The following ZNF19 variants were observed in gnomAD, a reference collection of about 807,000 sequenced individuals.
ZNF19 encodes zinc finger protein 19, also known as zinc finger protein 19 (KOX 12).
A neutral mutation model predicts 13.1 loss-of-function variants in ZNF19; 11 were observed. That is an observed-to-expected ratio of 0.84 (90% confidence interval 0.53 to 1.39). The LOEUF is 1.39. ZNF19 is among the 40% of genes most tolerant of loss of function. The pLI, the probability that ZNF19 is intolerant of heterozygous loss-of-function variation, is 0.00. For missense variants in ZNF19, 560 were observed against 547.0 expected (o/e 1.02, Z -0.24); for synonymous variants, 186 against 187.0 (o/e 0.99, Z 0.04).
intron 1 of ZNF19, among the ~76,000 whole-genome samples, chr16:71,485,067 G>A (rs1336792009): frequency 6.6e-6 from 1 of 152,154 alleles, no homozygotes; most frequent in Admixed American, 6.5e-5. Flanking sequence ...TATGTTCATT[G>A]GTTTTGAAGG....
At position 71,488,107 on chromosome 16, in the gene ZNF19, C is replaced by G. The variant is rs370419081; in HGVS notation, c.-190+1165G>C. Among the ~76,000 whole-genome samples the G allele has an allele frequency of 7.8e-4, 119 of 152,228 alleles. 4 individuals are homozygous for G. The East Asian group carries it at 0.021, about 27-fold the overall frequency. ...AGACACAGTGGCTCACACCTGTAAT[C>G]CCAGCACTTTGGGAGGCCAAGGTGG... On this transcript the variant is annotated intron_variant, in intron 1 of 5. Transcript: ENST00000288177.
Position 71,475,490 on chromosome 16 carries a change from C to G in ZNF19, c.1057G>C (p.Glu353Gln). ...KLTRHQRIHS[E>Q]EKPFDCVDCG... is the part of the protein sequence containing the mutation. Reference sequence around the variant, plus strand: ...TCTACACAGTCAAAGGGTTTCTCCTCACTGTGAATTCTCTGGTGCCGAGTT... The same window carrying G: ...TCTACACAGTCAAAGGGTTTCTCCTGACTGTGAATTCTCTGGTGCCGAGTT... Residue 353 changes from glutamate to glutamine, a missense_variant, in exon 6 of 6, where the codon GAG becomes CAG. Physicochemically the swap from Glu to Gln is conservative, Grantham distance 29. Transcript: ENST00000288177. 6.2e-7 allele frequency: 1 copy of G among 1,614,188 alleles called. No homozygotes were observed. The highest frequency in any genetic ancestry group is 8.5e-7 in the Non-Finnish European group (1 of 1,180,016).
At chr16:71,477,679 T>A (rs984221240) in intron 5 of ZNF19, among the ~76,000 whole-genome samples, 1 of 152,140 alleles carries the variant, frequency 6.6e-6, no homozygotes, top group Non-Finnish European at 1.5e-5. Flanking sequence ...GCCATCCACT[T>A]GCCTATTCTA....
chr16:71,479,674 G>A (rs986903729), intron 3 of ZNF19, among the ~76,000 whole-genome samples: 3 of 152,254 alleles, frequency 2.0e-5, no homozygotes, highest in South Asian at 2.1e-4. Context: ...TGCTGCTGCT[G>A]GGTAGCTCTT....
chr16:71,477,117 G>T (rs1028705072), intron 5 of ZNF19, among the ~76,000 whole-genome samples: 6 of 152,186 alleles, frequency 3.9e-5, no homozygotes, highest in Non-Finnish European at 8.8e-5. Context: ...TATATGAAAT[G>T]ATGGGCTTGG....
intron 3 of ZNF19, among the ~76,000 whole-genome samples, chr16:71,481,273 G>T (rs1308047543): frequency 3.3e-5 from 5 of 152,178 alleles, no homozygotes; most frequent in Admixed American, 3.3e-4. Context: ...ACTGAAGGAT[G>T]TGAGAAATAT....
rs770479355 is a variant in ZNF19 at position 71,478,274 on chromosome 16, T to C, written c.228A>G (p.Glu76=). ...TCTCTGCTGGGGGATCATCCTGTGCTTCCAGGCCCCAAGCCATGTCCCCTC... is the reference window on the plus strand; with the variant it reads ...TCTCTGCTGGGGGATCATCCTGTGCCTCCAGGCCCCAAGCCATGTCCCCTC... ...LERGDMAWGL[E]AQDDPPAERT... The change falls in exon 5 of 6, where the codon GAA becomes GAG. Residue 76 remains glutamate (E), a synonymous_variant. Transcript: ENST00000288177. 31 of 1,614,008 alleles carry C rather than the reference T, an allele frequency of 1.9e-5. No individual in the cohort carries two copies. Among genetic ancestry groups the C allele is most frequent in the Admixed American group, 3.3e-5 (2 of 59,998 alleles).
intron 3 of ZNF19, among the ~76,000 whole-genome samples, chr16:71,479,496 G>C (rs1345341432): frequency 1.3e-5 from 2 of 152,106 alleles, no homozygotes; most frequent in African/African-American, 4.8e-5. Flanking sequence ...ACAGAGTCAT[G>C]GTTTGCACTG....
At chr16:71,478,389 T>C in intron 4 of ZNF19, 48 bp from the exon 5 acceptor site, 12 of 1,403,948 alleles carry the variant, frequency 8.5e-6, no homozygotes, top group Non-Finnish European at 1.1e-5. Flanking sequence ...ATCTGCTGTG[T>C]CAAAAGAAGG....
At chr16:71,478,671 C>T (rs2043617544) in intron 4 of ZNF19, 1 of 685,544 alleles carries the variant, frequency 1.5e-6, no homozygotes, top group Non-Finnish European at 2.5e-6. Context: ...ACAGTAATTC[C>T]CTTCATTGGG....
At chr16:71,481,099 G>A (rs1057496858) in intron 3 of ZNF19, among the ~76,000 whole-genome samples, 1 of 152,204 alleles carries the variant, frequency 6.6e-6, no homozygotes, top group Non-Finnish European at 1.5e-5. Flanking sequence ...GTGTCTCTCT[G>A]GAAATGGTAT....
At position 71,478,360 on chromosome 16, in the gene ZNF19, T is replaced by G. The variant is rs376978298; in HGVS notation, c.161-19A>C. On this transcript the variant is annotated intron_variant, in intron 4 of 5. Transcript: ENST00000288177. ...GGGTACCCTGAAAACAGGAAGAAAA[T>G]GGTACTTTTCAGCCCTGTATCTGCT... 6 of 1,582,162 alleles carry G rather than the reference T, an allele frequency of 3.8e-6. No homozygotes were observed. Among genetic ancestry groups the G allele is most frequent in the Non-Finnish European group, 5.2e-6 (6 of 1,152,558 alleles).
At chr16:71,488,857 T>C (rs1250536279) in intron 1 of ZNF19, 4 of 152,236 alleles carry the variant, frequency 2.6e-5, no homozygotes, top group Admixed American at 2.0e-4. Flanking sequence ...ATGGCATTTG[T>C]TTGGACACAG....
In ZNF19 at chr16:71,475,444, G is replaced by A. The variant is rs769360022; in HGVS notation, c.1103C>T (p.Ala368Val). ...DCVDCGKAFS[A>V]QEQLKRHLRI... is the part of the protein sequence containing the mutation. ...CAGATGCCTTTTTAATTGTTCCTGA[G>A]CACTGAAGGCTTTTCCACAATCTAC... Residue 368 changes from alanine (A) to valine (V), a missense_variant, in exon 6 of 6, where the codon GCT becomes GTT. Physicochemically the swap from Ala to Val is moderately conservative, Grantham distance 64. Coordinates refer to ENST00000288177, the MANE Select transcript of ZNF19 (RefSeq NM_006961.4). 3.1e-6 allele frequency: 5 copies of A among 1,612,146 alleles called. No homozygotes were observed. Among genetic ancestry groups the A allele is most frequent in the Non-Finnish European group, 4.2e-6 (5 of 1,179,354 alleles).
Position 71,475,178 on chromosome 16 carries a change from A to G in ZNF19, c.1369T>C (p.Tyr457His). ...TTCACTGGAGTGTACTATTACCAGT[A>G]AAAGGGGGTAAAAAATTCTGGGAGG... Reference protein sequence around the residue: ...FGLPEFFTPFYW With the variant: ...FGLPEFFTPFHW Residue 457 changes from tyrosine (Y) to histidine (H), a missense_variant, in exon 6 of 6, where the codon TAC becomes CAC. By Grantham distance (83) the Tyr-to-His change is moderately conservative. Coordinates refer to ENST00000288177, the MANE Select transcript of ZNF19 (RefSeq NM_006961.4). 1.3e-6 allele frequency: 2 copies of G among 1,592,084 alleles called. No homozygotes were observed. The highest frequency in any genetic ancestry group is 1.1e-5 in the South Asian group (1 of 88,116).
chr16:71,486,131 C>T (rs1192497972), intron 1 of ZNF19, among the ~76,000 whole-genome samples: 1 of 151,098 alleles, frequency 6.6e-6, no homozygotes, highest in Non-Finnish European at 1.5e-5. Flanking sequence ...ATCACTTGAG[C>T]CTGGGAGTTC....
intron 1 of ZNF19, among the ~76,000 whole-genome samples, chr16:71,485,283 C>T (rs1217868452): frequency 1.3e-5 from 2 of 151,958 alleles, no homozygotes; most frequent in Non-Finnish European, 2.9e-5. Flanking sequence ...AACCTCGTCT[C>T]TACTAAAAAT....
At chr16:71,479,098 G>A in intron 3 of ZNF19, 93 bp from the exon 4 acceptor site, 1 of 1,557,178 alleles carries the variant, frequency 6.4e-7, no homozygotes, top group Non-Finnish European at 8.8e-7. Context: ...TTGAGGGAAA[G>A]TCCTGTGAGG....
intron 1 of ZNF19, among the ~76,000 whole-genome samples, 173 bp from the exon 2 acceptor site, chr16:71,484,921 T>C (rs578253739): frequency 2.4e-4 from 37 of 152,338 alleles, no homozygotes; most frequent in Admixed American, 1.4e-3. Flanking sequence ...TCTCAGAATA[T>C]GGCTATTCTC....
Sources: allele counts gnomAD v4.1 joint callset (sites outside exome capture counted in the v4.1 genomes callset), GRCh38; gene constraint gnomAD v4.1.1; transcripts MANE v1.5; gene names NCBI Gene and HGNC (gene_info 2026-07-23, HGNC 2026-07-21).